DRC1: variants seen among roughly 807,000 people sequenced by gnomAD.
The protein encoded by DRC1 is dynein regulatory complex subunit 1.
DRC1 carries 74 observed loss-of-function variants against 98.7 expected under a neutral mutation model. That is an observed-to-expected ratio of 0.75 (90% CI 0.62 to 0.91). The LOEUF (loss-of-function observed/expected upper bound fraction) is 0.91, where lower values mean the gene tolerates loss of function less well. Among genes scored for constraint, DRC1 ranks in the 40% least tolerant of loss-of-function variants. The pLI, the probability that DRC1 is intolerant of heterozygous loss-of-function variation, is 0.00. For synonymous variants in DRC1, 336 were observed against 334.1 expected (o/e 1.01, Z -0.06); for missense variants, 875 against 886.0 (o/e 0.99, Z 0.16).
At chr2:26,434,810 G>C (rs1663529000) in intron 7 of DRC1, among the ~76,000 whole-genome samples, 1 of 150,840 alleles carries the variant, frequency 6.6e-6, no homozygotes, top group South Asian at 2.1e-4. Context: ...AGAATGGTGT[G>C]AACCAGGGAG....
intron 1 of DRC1, among the ~76,000 whole-genome samples, chr2:26,406,488 C>T (rs999027557): frequency 6.6e-6 from 1 of 152,072 alleles, no homozygotes; most frequent in Non-Finnish European, 1.5e-5. Context: ...GTGGGTGGAT[C>T]ACTTGAGGCC....
At chr2:26,447,221 T>C (rs1663877311) in intron 10 of DRC1, among the ~76,000 whole-genome samples, 1 of 152,136 alleles carries the variant, frequency 6.6e-6, no homozygotes, top group Non-Finnish European at 1.5e-5. Context: ...GAGACCAGCC[T>C]GACCAACATG....
intron 7 of DRC1, among the ~76,000 whole-genome samples, chr2:26,433,258 G>T (rs1333442096): frequency 6.6e-6 from 1 of 152,128 alleles, no homozygotes; most frequent in African/African-American, 2.4e-5. Flanking sequence ...TTCAAGTATG[G>T]TCTGTTCATT....
Position 26,424,345 on chromosome 2 carries a change from G to A in DRC1, c.431G>A (p.Gly144Asp). 5.0e-6 allele frequency: 8 copies of A among 1,613,904 alleles called. No homozygotes were observed. The highest frequency in any genetic ancestry group is 6.8e-6 in the Non-Finnish European group (8 of 1,179,998). Reference sequence around the variant, plus strand: ...GAAATCACCTCAAAGTGGGAAGAGGGCAAGCAGAAGAGAATTCCCCAAGAG... The same window carrying A: ...GAAATCACCTCAAAGTGGGAAGAGGACAAGCAGAAGAGAATTCCCCAAGAG... The part of the protein sequence containing the change: ...FDEITSKWEE[G>D]KQKRIPQELW... The change falls in exon 4 of 17, where the codon GGC (glycine) becomes GAC (aspartate). Residue 144 changes from glycine to aspartate, a missense_variant. Physicochemically the swap from Gly to Asp is moderately conservative, Grantham distance 94. Coordinates refer to ENST00000288710, the MANE Select transcript of DRC1 (RefSeq NM_145038.5).
At chr2:26,440,604 G>A in intron 8 of DRC1, 87 bp downstream of exon 8, 1 of 1,414,336 alleles carries the variant, frequency 7.1e-7, no homozygotes. Flanking sequence ...TGAAGGGGTA[G>A]AAACCATTAA....
At chr2:26,422,787 C>G (rs936069344) in intron 3 of DRC1, among the ~76,000 whole-genome samples, 2 of 151,784 alleles carry the variant, frequency 1.3e-5, no homozygotes, top group African/African-American at 4.8e-5. Context: ...TGTGGTGGCG[C>G]GTGCACACCT....
Position 26,414,352 on chromosome 2 carries a change from T to A in DRC1, c.164T>A (p.Leu55His), listed in dbSNP as rs1323795730. Residue 55 changes from leucine (L) to histidine (H), a missense_variant, in exon 2 of 17, where the codon CTT (leucine) becomes CAT (histidine). Coordinates refer to ENST00000288710, the MANE Select transcript of DRC1 (RefSeq NM_145038.5). Reference sequence around the variant, plus strand: ...GCTTTTTTCCATCACAGGGAAGCACTTGGAGAATATTTAGATGGGAAGAAG... The same window carrying A: ...GCTTTTTTCCATCACAGGGAAGCACATGGAGAATATTTAGATGGGAAGAAG... ...ARLEARRREA[L>H]GEYLDGKKES... is the part of the protein sequence containing the mutation. 1 of 1,613,840 alleles carries A rather than the reference T, an allele frequency of 6.2e-7. No homozygotes were observed. Among genetic ancestry groups the A allele is most frequent in the Non-Finnish European group, 8.5e-7 (1 of 1,179,928 alleles).
At position 26,455,200 on chromosome 2, in the gene DRC1, G is replaced by A; in HGVS notation, c.2133G>A (p.Leu711=). ...NSSLEQQNTE[L]QALLQQYLNS... is the part of the protein sequence containing the mutation. ...CTCTGGAGCAGCAGAACACAGAGCT[G>A]CAGGCGCTACTGCAGCAGTATCTGA... is the stretch of plus-strand genomic sequence containing the variant. The change falls in exon 16 of 17, where the codon CTG becomes CTA. Residue 711 remains leucine, a synonymous_variant. Coordinates refer to ENST00000288710, the MANE Select transcript of DRC1 (RefSeq NM_145038.5). 1.9e-6 allele frequency: 3 copies of A among 1,613,998 alleles called. No homozygotes were observed. The highest frequency in any genetic ancestry group is 2.2e-5 in the East Asian group (1 of 44,882).
chr2:26,427,710 C>T (rs1361735752), intron 4 of DRC1, among the ~76,000 whole-genome samples: 1 of 151,952 alleles, frequency 6.6e-6, no homozygotes, highest in African/African-American at 2.4e-5. Context: ...ATCCCCATTC[C>T]TCCCTGACCC....
rs546940443 is a variant in DRC1, at chr2:26,440,301, G to A, written c.889-77G>A. The stretch of plus-strand genomic sequence containing the variant: ...TAGTGTATATAATACTAAGGATGCA[G>A]GTGTAGAGTTAGTGTGTTTGTGTGT... On this transcript the variant is annotated intron_variant, in intron 7 of 16. Coordinates refer to ENST00000288710, the MANE Select transcript of DRC1 (RefSeq NM_145038.5). The A allele has an allele frequency of 7.6e-3, 10,695 of 1,411,142 alleles. 43 individuals are homozygous for A. Among genetic ancestry groups the A allele is most frequent in the South Asian group, 9.4e-3 (525 of 55,614 alleles). 87.4% of individuals were successfully genotyped at this position (1,411,142 alleles called of 1,614,324 possible). A position where few individuals can be genotyped will look rare whatever the true frequency, so the allele number is the denominator to read the frequency against.
At chr2:26,442,952 T>C (rs977536218) in intron 8 of DRC1, among the ~76,000 whole-genome samples, 7 of 152,202 alleles carry the variant, frequency 4.6e-5, no homozygotes, top group Non-Finnish European at 1.0e-4. Context: ...ACATAGGAAC[T>C]CCTTTACTGC....
At position 26,401,949 on chromosome 2, in the gene DRC1, G is replaced by T. The variant is rs1402862175; in HGVS notation, c.-41G>T. 1 of 1,560,724 alleles carries T rather than the reference G, an allele frequency of 6.4e-7. No individual in the cohort carries two copies. The highest frequency in any genetic ancestry group is 1.4e-5 in the African/African-American group (1 of 73,834). On this transcript the variant is annotated 5_prime_UTR_variant, in exon 1 of 17. Coordinates refer to ENST00000288710, the MANE Select transcript of DRC1 (RefSeq NM_145038.5). ...CTAGCAACCAGCCTGAGGTCTGGAG[G>T]TGGTGCGGAGGGAGCCGCCTAGGGA...
rs74811078 is a variant in DRC1, at chr2:26,417,620, C to T, written c.243+3189C>T. On this transcript the variant is annotated intron_variant, in intron 2 of 16. Coordinates refer to ENST00000288710, the MANE Select transcript of DRC1 (RefSeq NM_145038.5). ...CTGGGATTACAGGCATGAGCCACTG[C>T]GCCCAGCCTTGTCTTGGCTATTCTT... Among the ~76,000 whole-genome samples, 732 of 152,314 alleles carry T rather than the reference C, an allele frequency of 4.8e-3. 8 individuals are homozygous for T. The highest frequency in any genetic ancestry group is 0.016 in the African/African-American group (682 of 41,556).
At chr2:26,440,302 G>T in intron 7 of DRC1, 76 bp from the exon 8 acceptor site, 1 of 1,411,458 alleles carries the variant, frequency 7.1e-7, no homozygotes, top group South Asian at 1.8e-5. Flanking sequence ...AAGGATGCAG[G>T]TGTAGAGTTA....
intron 7 of DRC1, among the ~76,000 whole-genome samples, chr2:26,433,274 C>T (rs79191441): frequency 0.023 from 3,457 of 152,232 alleles, 124 homozygotes; most frequent in African/African-American, 0.077. Context: ...TCATTTCAGT[C>T]TCTATGTAGA....
Position 26,450,075 on chromosome 2 carries a change from C to T in DRC1, c.1589C>T (p.Ala530Val), listed in dbSNP as rs1173077226. 8.1e-6 allele frequency: 13 copies of T among 1,612,808 alleles called. No individual in the cohort carries two copies. The highest frequency in any genetic ancestry group is 2.2e-5 in the East Asian group (1 of 44,844). Residue 530 changes from alanine to valine, a missense_variant, in exon 12 of 17, where the codon GCC becomes GTC. By Grantham distance (64) the Ala-to-Val change is moderately conservative. Transcript: ENST00000288710. Reference protein sequence around the residue: ...QNECYLLRLDAIFSALGIESE... With the variant: ...QNECYLLRLDVIFSALGIESE... ...GAATGCTATCTGCTGAGGCTGGATG[C>T]CATCTTCTCCGTGAGTCCAACGGGG...
At position 26,444,856 on chromosome 2, in the gene DRC1, C is replaced by T. The variant is rs747835380; in HGVS notation, c.1304C>T (p.Pro435Leu). 79 of 1,614,218 alleles carry T rather than the reference C, an allele frequency of 4.9e-5. 1 individual carries two copies. The Middle Eastern group carries it at 2.1e-3, about 44-fold the overall frequency. ...THHLGLPWAA[P>L]DFWFLNNVGP... is the part of the protein sequence containing the mutation. ...CATCTGGGGCTTCCCTGGGCAGCAC[C>T]TGATTTCTGGTTCCTGAACAATGTT... The change falls in exon 10 of 17, where the codon CCT becomes CTT. Residue 435 changes from proline to leucine, a missense_variant. By Grantham distance (98) the Pro-to-Leu change is moderately conservative (BLOSUM62 -3). Transcript: ENST00000288710.
chr2:26,445,650 T>TTATA (rs1663831407), intron 10 of DRC1, among the ~76,000 whole-genome samples: 1 of 140,888 alleles, frequency 7.1e-6, no homozygotes, highest in South Asian at 2.3e-4. Context: ...GCCCTAGTAG[T>TTATA]TATTTATTTA....
In DRC1 at chr2:26,411,729, G is replaced by A. The variant is rs375154128; in HGVS notation, c.156-2615G>A. 2.9e-4 allele frequency among the ~76,000 whole-genome samples: 44 copies of A among 152,114 alleles called. No homozygotes were observed. In the East Asian group the frequency reaches 6.4e-3, roughly 22 times the overall value. On this transcript the variant is annotated intron_variant, in intron 1 of 16. Coordinates refer to ENST00000288710, the MANE Select transcript of DRC1 (RefSeq NM_145038.5). ...GCAGAATTACTTGAACCTGGGTGGC[G>A]GAGGTTGCAGTGAGCCGAGATGGCT...
Sources: allele counts gnomAD v4.1 joint callset (sites outside exome capture counted in the v4.1 genomes callset), GRCh38; gene constraint gnomAD v4.1.1; transcripts MANE v1.5; gene names NCBI Gene and HGNC (gene_info 2026-07-23, HGNC 2026-07-21).